The following GMDS variants were observed in gnomAD, a reference collection of about 807,000 sequenced individuals.
GMDS encodes the protein GDP-mannose 4,6 dehydratase.
In GMDS, 20 loss-of-function variants were observed where a neutral mutation model predicts 49.9. That is an observed-to-expected ratio of 0.40 (90% CI 0.28 to 0.58). The LOEUF (loss-of-function observed/expected upper bound fraction) is 0.58. Among genes scored for constraint, GMDS ranks in the 20% least tolerant of loss-of-function variants. The pLI, the probability that GMDS is intolerant of heterozygous loss-of-function variation, is 0.42. For missense variants in GMDS, 362 were observed against 481.4 expected (o/e 0.75, Z 2.32); for synonymous variants, 177 against 178.6 (o/e 0.99, Z 0.07).
At chr6:1,965,659 C>A (rs953329398) in intron 4 of GMDS, among the ~76,000 whole-genome samples, 2 of 151,474 alleles carry the variant, frequency 1.3e-5, no homozygotes, top group African/African-American at 4.9e-5. Context: ...CCTATGTCTA[C>A]AAAAAAAATT....
At chr6:1,782,372 A>C (rs1174938077) in intron 7 of GMDS, among the ~76,000 whole-genome samples, 1 of 152,220 alleles carries the variant, frequency 6.6e-6, no homozygotes, top group African/African-American at 2.4e-5. Context: ...TCATTTACTT[A>C]TTTATCTTGA....
chr6:1,909,797 T>TA (rs1259626303), intron 7 of GMDS, among the ~76,000 whole-genome samples: 8 of 152,206 alleles, frequency 5.3e-5, no homozygotes, highest in African/African-American at 1.9e-4. Context: ...ATGAAAGTGA[T>TA]ACAGTGCTTA....
chr6:1,915,528 A>G (rs1223255424), intron 7 of GMDS, among the ~76,000 whole-genome samples: 2 of 152,226 alleles, frequency 1.3e-5, no homozygotes, highest in African/African-American at 4.8e-5. Flanking sequence ...CCGAGAATGC[A>G]TGCTCCAGAC....
At chr6:1,843,607 A>C (rs1379146417) in intron 7 of GMDS, among the ~76,000 whole-genome samples, 6 of 152,114 alleles carry the variant, frequency 3.9e-5, no homozygotes, top group Non-Finnish European at 8.8e-5. Context: ...ATCTCTACTG[A>C]AAATACAAAA....
intron 1 of GMDS, among the ~76,000 whole-genome samples, chr6:2,206,904 C>A (rs1779831738): frequency 6.6e-6 from 1 of 152,154 alleles, no homozygotes; most frequent in South Asian, 2.1e-4. Context: ...TCCAGCAGTC[C>A]ATCAGAGCCA....
chr6:1,746,552 C>T (rs1767503688), intron 7 of GMDS, among the ~76,000 whole-genome samples: 4 of 152,106 alleles, frequency 2.6e-5, no homozygotes, highest in Admixed American at 2.6e-4. Flanking sequence ...AATCTGACTC[C>T]AGACCATTGA....
chr6:2,036,227 C>G (rs1314016617), intron 4 of GMDS, among the ~76,000 whole-genome samples: 1 of 152,018 alleles, frequency 6.6e-6, no homozygotes, highest in East Asian at 1.9e-4. Flanking sequence ...GAAATAAAGC[C>G]CTTTTAAGGA....
At chr6:2,153,885 G>A (rs774736918) in intron 1 of GMDS, among the ~76,000 whole-genome samples, 2 of 152,048 alleles carry the variant, frequency 1.3e-5, no homozygotes, top group Non-Finnish European at 2.9e-5. Flanking sequence ...AGAATATAAC[G>A]TTTACAGAAA....
intron 1 of GMDS, among the ~76,000 whole-genome samples, chr6:2,161,905 G>C (rs1777418689): frequency 6.6e-6 from 1 of 152,166 alleles, no homozygotes; most frequent in Admixed American, 6.5e-5. Flanking sequence ...CTAATGACAG[G>C]AGTCACTGTC....
chr6:1,930,223 A>G lies in GMDS; in HGVS notation c.651T>C (p.Asn217=). ...ACCGGCTAATTTTTCGAGTAACGAA[A>G]TTAGCTCCTAAAAAGAGGCAAAAGA... ...FNHESPRRGA[N]FVTRKISRSV... Residue 217 remains asparagine (N), a synonymous_variant, in exon 7 of 11, where the codon AAT becomes AAC. Coordinates refer to ENST00000380815, the MANE Select transcript of GMDS (RefSeq NM_001500.4). 6.2e-7 allele frequency: 1 copy of G among 1,613,100 alleles called. No homozygotes were observed. The highest frequency in any genetic ancestry group is 2.2e-5 in the East Asian group (1 of 44,872).
intron 7 of GMDS, among the ~76,000 whole-genome samples, chr6:1,876,936 C>T (rs1378759895): frequency 1.3e-5 from 2 of 152,308 alleles, no homozygotes; most frequent in Non-Finnish European, 2.9e-5. Flanking sequence ...ACAGTTATGG[C>T]TGAAACACCA....
chr6:2,019,426 TA>T (rs1768119969), intron 4 of GMDS, among the ~76,000 whole-genome samples: 1 of 152,028 alleles, frequency 6.6e-6, no homozygotes, highest in African/African-American at 2.4e-5. Flanking sequence ...AGTATGATAT[TA>T]CCTGTGAGTT....
intron 1 of GMDS, among the ~76,000 whole-genome samples, chr6:2,165,033 C>T (rs2127549192): frequency 6.6e-6 from 1 of 152,318 alleles, no homozygotes; most frequent in Non-Finnish European, 1.5e-5. Flanking sequence ...CCAGATCATG[C>T]CATGGCCTAT....
chr6:1,732,584 G>T (rs1766852956), intron 8 of GMDS, among the ~76,000 whole-genome samples: 1 of 152,184 alleles, frequency 6.6e-6, no homozygotes, highest in Non-Finnish European at 1.5e-5. Flanking sequence ...TGGAAACATG[G>T]AGATAAATGC....
chr6:1,875,817 C>T (rs1234256203), intron 7 of GMDS, among the ~76,000 whole-genome samples: 5 of 151,560 alleles, frequency 3.3e-5, no homozygotes, highest in Non-Finnish European at 4.4e-5. Flanking sequence ...CCTGAGGTCA[C>T]GAGTTTGAGA....
intron 10 of GMDS, 73 bp from the exon 11 acceptor site, chr6:1,624,304 G>C: frequency 7.0e-7 from 1 of 1,430,816 alleles, no homozygotes; most frequent in African/African-American, 1.4e-5. Flanking sequence ...CCCGGGTGTC[G>C]GCCCCAGAGA....
chr6:1,642,661 TTATGCA>T (rs1409632784), intron 9 of GMDS, among the ~76,000 whole-genome samples: 1 of 152,222 alleles, frequency 6.6e-6, no homozygotes, highest in Non-Finnish European at 1.5e-5. Flanking sequence ...TCCTGAGTCC[TTATGCA>T]TAACAGACGT....
At chr6:1,695,561 G>A (rs944435506) in intron 9 of GMDS, among the ~76,000 whole-genome samples, 3 of 152,222 alleles carry the variant, frequency 2.0e-5, no homozygotes, top group Admixed American at 1.3e-4. Flanking sequence ...GCTCTCTCAT[G>A]CAGCAGTAGA....
chr6:1,642,207 C>T (rs1763353108), intron 9 of GMDS, among the ~76,000 whole-genome samples: 1 of 149,156 alleles, frequency 6.7e-6, no homozygotes, highest in Admixed American at 6.7e-5. Context: ...CACTCTATCG[C>T]CCAGGCTGGA....
Sources: allele counts gnomAD v4.1 joint callset (sites outside exome capture counted in the v4.1 genomes callset), GRCh38; gene constraint gnomAD v4.1.1; transcripts MANE v1.5; gene names NCBI Gene and HGNC (gene_info 2026-07-23, HGNC 2026-07-21).